BFSP2: variants seen among roughly 807,000 people sequenced by gnomAD.
BFSP2 encodes phakinin.
A neutral mutation model predicts 44.9 loss-of-function variants in BFSP2; 38 were observed. That is an observed-to-expected ratio of 0.85 (90% CI 0.65 to 1.11). BFSP2 has a LOEUF of 1.11. BFSP2 is among the 50% of genes least tolerant of loss of function. The pLI is 0.00. For synonymous variants in BFSP2, 197 were observed against 209.9 expected, an observed-to-expected ratio of 0.94 and a Z score of 0.53; for missense variants, 525 against 533.0, an observed-to-expected ratio of 0.99 and a Z score of 0.15.
intron 1 of BFSP2, among the ~76,000 whole-genome samples, chr3:133,445,018 A>G (rs72982205): frequency 0.1 from 15,497 of 152,202 alleles, 868 homozygotes; most frequent in African/African-American, 0.14. Flanking sequence ...GGTCTTGTCT[A>G]CCTTTTTAAC....
intron 1 of BFSP2, among the ~76,000 whole-genome samples, chr3:133,432,990 A>G (rs1223116398): frequency 6.6e-6 from 1 of 151,744 alleles, no homozygotes; most frequent in African/African-American, 2.4e-5. Flanking sequence ...ACTATGCTCA[A>G]CTCACTCTCT....
chr3:133,436,195 G>A (rs916765261), intron 1 of BFSP2, among the ~76,000 whole-genome samples: 3 of 151,872 alleles, frequency 2.0e-5, no homozygotes, highest in African/African-American at 4.8e-5. Context: ...GTGCAGTGTC[G>A]TGTGCCTGTA....
chr3:133,425,852 A>AAATAAAGAAGGGAAACGAAG (rs1553779106), intron 1 of BFSP2, among the ~76,000 whole-genome samples: 5 of 95,576 alleles, frequency 5.2e-5, no homozygotes, highest in African/African-American at 3.3e-4. Flanking sequence ...AAGAAGGGAA[A>AAATAAAGAAGGGAAACGAAG]GGAAGGGAAG....
intron 1 of BFSP2, among the ~76,000 whole-genome samples, chr3:133,430,618 G>T (rs2073704817): frequency 6.6e-6 from 1 of 152,076 alleles, no homozygotes; most frequent in Admixed American, 6.6e-5. Flanking sequence ...GTCATAAAAT[G>T]GGCAAATGGT....
chr3:133,460,165 A>C (rs2074049002), intron 4 of BFSP2, among the ~76,000 whole-genome samples: 1 of 152,208 alleles, frequency 6.6e-6, no homozygotes, highest in Non-Finnish European at 1.5e-5. Flanking sequence ...GCTTTTATGG[A>C]GCATCTACCA....
chr3:133,441,130 C>T (rs533925775), intron 1 of BFSP2, among the ~76,000 whole-genome samples: 244 of 151,504 alleles, frequency 1.6e-3, no homozygotes, highest in Admixed American at 3.5e-3. Context: ...ACCTCCGCCT[C>T]CCAGGTTCAA....
At chr3:133,474,221 C>T (rs1476237056) in intron 6 of BFSP2, among the ~76,000 whole-genome samples, 1 of 152,206 alleles carries the variant, frequency 6.6e-6, no homozygotes, top group African/African-American at 2.4e-5. Flanking sequence ...CCCTCCAAGA[C>T]TCCTTGTCTG....
intron 1 of BFSP2, among the ~76,000 whole-genome samples, chr3:133,411,609 A>T (rs904625252): frequency 2.0e-5 from 3 of 152,190 alleles, no homozygotes; most frequent in Admixed American, 6.5e-5. Flanking sequence ...GGGTCAGATG[A>T]ACGGGTTAAT....
At chr3:133,458,731 T>G (rs774449125) in intron 4 of BFSP2, among the ~76,000 whole-genome samples, 1 of 151,786 alleles carries the variant, frequency 6.6e-6, no homozygotes, top group Non-Finnish European at 1.5e-5. Flanking sequence ...ACACAGACAT[T>G]GTAGAGCGCT....
At chr3:133,434,644 CCCA>C (rs972996284) in intron 1 of BFSP2, among the ~76,000 whole-genome samples, 1 of 152,226 alleles carries the variant, frequency 6.6e-6, no homozygotes, top group Non-Finnish European at 1.5e-5. Context: ...TATGCCCTGC[CCCA>C]CCTTAACTGA....
intron 1 of BFSP2, among the ~76,000 whole-genome samples, chr3:133,402,406 T>C (rs1344731386): frequency 6.6e-5 from 10 of 152,202 alleles, no homozygotes; most frequent in Admixed American, 5.2e-4. Flanking sequence ...GCCTGGCTCC[T>C]GCTTACAGGT....
At chr3:133,411,293 A>G (rs2073451401) in intron 1 of BFSP2, among the ~76,000 whole-genome samples, 1 of 152,042 alleles carries the variant, frequency 6.6e-6, no homozygotes, top group South Asian at 2.1e-4. Flanking sequence ...TGCCTTTCTT[A>G]TAAGACCTAT....
intron 4 of BFSP2, among the ~76,000 whole-genome samples, chr3:133,451,865 T>TC (rs539988500): frequency 5.6e-4 from 86 of 152,344 alleles, no homozygotes; most frequent in African/African-American, 2.0e-3. Flanking sequence ...TCTTCCCTTC[T>TC]CCATCTCCCA....
chr3:133,414,738 CATTT>C lies in BFSP2; in HGVS notation c.489+14167_489+14170del, dbSNP rs1559959263. On this transcript the variant is annotated intron_variant, in intron 1 of 6. Transcript: ENST00000302334. Reference sequence around the variant, plus strand: ...CCCTATCCCCTCTACTTACCCCTGCCATTTCCCCTCTACTCACCCCTATTCTCTC... The same window carrying C: ...CCCTATCCCCTCTACTTACCCCTGCCCCCCTCTACTCACCCCTATTCTCTC... 1.5e-3 allele frequency among the ~76,000 whole-genome samples: 182 copies of C among 124,918 alleles called. 2 individuals carry two copies. Among genetic ancestry groups the C allele is most frequent in the Non-Finnish European group, 1.8e-3 (102 of 58,108 alleles). The allele number at this position is 124,918 out of a possible 152,430, so 82.0% of individuals were successfully genotyped here. A position where few individuals can be genotyped will look rare whatever the true frequency, so the allele number is the denominator to read the frequency against.
At position 133,438,634 on chromosome 3, in the gene BFSP2, G is replaced by A. The variant is rs1025326376; in HGVS notation, c.490-8683G>A. Among the ~76,000 whole-genome samples, 3 of 152,142 alleles carry A rather than the reference G, an allele frequency of 2.0e-5. No homozygotes were observed. In the South Asian group the frequency reaches 6.2e-4, roughly 32 times the overall value. On this transcript the variant is annotated intron_variant, in intron 1 of 6. Coordinates refer to ENST00000302334, the MANE Select transcript of BFSP2 (RefSeq NM_003571.4). Reference sequence around the variant, plus strand: ...TCAGGGAAATGTTGGTCTCTAGAAGGTCTTCAGTGCTGTTTAACTTTTTAA... The same window carrying A: ...TCAGGGAAATGTTGGTCTCTAGAAGATCTTCAGTGCTGTTTAACTTTTTAA...
intron 1 of BFSP2, among the ~76,000 whole-genome samples, chr3:133,424,652 T>C (rs1406892917): frequency 6.6e-6 from 1 of 152,002 alleles, no homozygotes; most frequent in Non-Finnish European, 1.5e-5. Flanking sequence ...GTTATTGTTT[T>C]TGAGACAGAG....
At chr3:133,413,235 C>A (rs1039564756) in intron 1 of BFSP2, among the ~76,000 whole-genome samples, 2 of 151,740 alleles carry the variant, frequency 1.3e-5, no homozygotes, top group Admixed American at 1.3e-4. Flanking sequence ...GCAGTAATTC[C>A]TATCAGGTCT....
At chr3:133,447,202 T>C in intron 1 of BFSP2, 115 bp from the exon 2 acceptor site, 1 of 990,400 alleles carries the variant, frequency 1.0e-6, no homozygotes, top group Non-Finnish European at 1.6e-6. Flanking sequence ...ATATTTGCTG[T>C]AAGAAAGGTT....
intron 2 of BFSP2, among the ~76,000 whole-genome samples, chr3:133,447,827 A>C (rs1359161002): frequency 2.0e-5 from 3 of 152,156 alleles, no homozygotes; most frequent in African/African-American, 7.2e-5. Flanking sequence ...TGATTCTCCA[A>C]CCTGGGCATA....
Sources: allele counts gnomAD v4.1 joint callset (sites outside exome capture counted in the v4.1 genomes callset), GRCh38; gene constraint gnomAD v4.1.1; transcripts MANE v1.5; gene names NCBI Gene and HGNC (gene_info 2026-07-23, HGNC 2026-07-21).